BRAF: variants seen among roughly 807,000 people sequenced by gnomAD.
The protein encoded by BRAF is B-Raf proto-oncogene, serine/threonine kinase.
A neutral mutation model predicts 104.6 loss-of-function variants in BRAF; 16 were observed. That is an observed-to-expected ratio of 0.15 (90% confidence interval 0.10 to 0.23). BRAF has a LOEUF of 0.23. Ranked by LOEUF, BRAF falls within the 10% of genes least tolerant of loss-of-function variation. BRAF has a pLI of 1.00. For synonymous variants in BRAF, 310 were observed against 341.6 expected (o/e 0.91, Z 1.02); for missense variants, 541 against 937.3 (o/e 0.58, Z 5.52).
At chr7:140,801,246 A>G in intron 6 of BRAF, 166 bp downstream of exon 6, 3 of 679,584 alleles carry the variant, frequency 4.4e-6, no homozygotes, top group East Asian at 2.8e-5. Context: ...TGGGAGAGAA[A>G]TACTGTCCAT....
intron 1 of BRAF, among the ~76,000 whole-genome samples, chr7:140,889,767 C>A (rs17695995): frequency 0.057 from 8,714 of 152,164 alleles, 289 homozygotes; most frequent in Middle Eastern, 0.12. Context: ...AGTGAGGATG[C>A]CAAAAGGTAT....
rs1423835762 is a variant in BRAF at position 140,815,452 on chromosome 7, T to TC, written c.505-6458_505-6457insG. Among the ~76,000 whole-genome samples, 253 of 143,298 alleles carry TC rather than the reference T, an allele frequency of 1.8e-3. 1 individual carries two copies. The highest frequency in any genetic ancestry group is 3.0e-3 in the Non-Finnish European group (196 of 65,714). The allele number at this position is 143,298 out of a possible 152,430, so 94.0% of individuals were successfully genotyped here. On this transcript the variant is annotated intron_variant, in intron 3 of 19. Transcript: ENST00000644969. The stretch of plus-strand genomic sequence containing the variant: ...GAGCCATTTTTTTTTTTTTTTTTTT[T>TC]TGAGACAGGGTCTTGCTCTGCCACC...
downstream of BRAF, among the ~76,000 whole-genome samples, chr7:140,717,654 C>A (rs1795161314): frequency 6.6e-6 from 1 of 152,150 alleles, no homozygotes; most frequent in African/African-American, 2.4e-5. Context: ...TTCAGAAGAG[C>A]TAGTGTGGTA....
rs1303346953 is a variant in BRAF, at chr7:140,725,367, A to G, written c.*1127T>C. On this transcript the variant is annotated 3_prime_UTR_variant, in exon 20 of 20. Coordinates refer to ENST00000644969, the MANE Select transcript of BRAF (RefSeq NM_001374258.1). ...AGAAAAGGATAATGATCTTTCTTAA[A>G]AGTTGTTTATATAACAAAAATACAA... is the stretch of plus-strand genomic sequence containing the variant. 1 of 981,450 alleles carries G rather than the reference A, an allele frequency of 1.0e-6. No individual in the cohort carries two copies. The highest frequency in any genetic ancestry group is 6.0e-5 in the East Asian group (1 of 16,690). The allele number at this position is 981,450 out of a possible 1,614,324, so 60.8% of individuals were successfully genotyped here.
chr7:140,907,419 G>C (rs1202958557), intron 1 of BRAF, among the ~76,000 whole-genome samples: 4 of 151,934 alleles, frequency 2.6e-5, no homozygotes, highest in Admixed American at 2.6e-4. Context: ...CTGCCACCAT[G>C]CCCAGCTAAT....
chr7:140,893,438 A>G (rs1814503188), intron 1 of BRAF, among the ~76,000 whole-genome samples: 1 of 151,886 alleles, frequency 6.6e-6, no homozygotes, highest in African/African-American at 2.4e-5. Flanking sequence ...TTCAGTGGAG[A>G]CGGGGTTTCA....
chr7:140,919,556 G>C (rs923754487), intron 1 of BRAF, among the ~76,000 whole-genome samples: 1 of 152,008 alleles, frequency 6.6e-6, no homozygotes, highest in Non-Finnish European at 1.5e-5. Flanking sequence ...GGTGGAGACT[G>C]TATTAAAGAG....
intron 1 of BRAF, among the ~76,000 whole-genome samples, chr7:140,906,090 A>AAAAAAAAAAC (rs1816288368): frequency 6.9e-6 from 1 of 144,378 alleles, no homozygotes; most frequent in Non-Finnish European, 1.5e-5. Context: ...TCCGTCTCAA[A>AAAAAAAAAAC]AAAAAAAAAA....
chr7:140,829,243 G>A (rs1332814582), intron 3 of BRAF, among the ~76,000 whole-genome samples: 3 of 147,056 alleles, frequency 2.0e-5, no homozygotes, highest in Non-Finnish European at 4.5e-5. Context: ...TAATCCATCT[G>A]TCTCCTACAG....
chr7:140,808,806 G>A (rs951228465), intron 4 of BRAF, 86 bp downstream of exon 4: 2 of 1,106,428 alleles, frequency 1.8e-6, no homozygotes, highest in African/African-American at 3.1e-5. Flanking sequence ...AATTCCCTAG[G>A]TTTTGGTAAA....
In BRAF at chr7:140,726,402, A is replaced by G; in HGVS notation, c.*92T>C. The G allele has an allele frequency of 2.7e-6, 4 of 1,508,422 alleles. No homozygotes were observed. Among genetic ancestry groups the G allele is most frequent in the Non-Finnish European group, 3.5e-6 (4 of 1,136,786 alleles). 93.4% of individuals were successfully genotyped at this position (1,508,422 alleles called of 1,614,324 possible). A position where few individuals can be genotyped will look rare whatever the true frequency, so the allele number is the denominator to read the frequency against. ...CATTGGAAATTTTGTATCTTTAAAA[A>G]AAGATTTGAGGAACAGAACTGTGTT... On this transcript the variant is annotated 3_prime_UTR_variant, in exon 20 of 20. Coordinates refer to ENST00000644969, the MANE Select transcript of BRAF (RefSeq NM_001374258.1).
intron 3 of BRAF, chr7:140,824,147 A>G (rs1036730727): frequency 5.3e-5 from 8 of 152,176 alleles, no homozygotes; most frequent in African/African-American, 1.7e-4. Flanking sequence ...TTAAATTCTG[A>G]TAATAGTACA....
Position 140,924,647 on chromosome 7 carries a change from G to A in BRAF, c.57C>T (p.Phe19=). ...GGGAEPGQAL[F]NGDMEPEAGA... is the part of the protein sequence containing the mutation. ...CGGCCTCGGGCTCCATGTCCCCGTT[G>A]AACAGAGCCTGGCCCGGCTCCGCGC... Residue 19 remains phenylalanine, a synonymous_variant, in exon 1 of 20, where the codon TTC becomes TTT. Transcript: ENST00000644969. The surrounding 1 kb of genome is among the most constrained non-coding windows in gnomAD (Gnocchi z 4.2). The A allele has an allele frequency of 2.8e-6, 4 of 1,452,570 alleles. No individual in the cohort carries two copies. Among genetic ancestry groups the A allele is most frequent in the Non-Finnish European group, 3.7e-6 (4 of 1,075,528 alleles). 90.0% of individuals were successfully genotyped at this position (1,452,570 alleles called of 1,614,324 possible).
At chr7:140,922,013 G>A (rs552052128) in intron 1 of BRAF, among the ~76,000 whole-genome samples, 3 of 151,986 alleles carry the variant, frequency 2.0e-5, no homozygotes, top group Admixed American at 6.6e-5. Context: ...TTTCTTGGAG[G>A]AATTTATTTT....
Position 140,722,448 on chromosome 7 carries a change from G to A in BRAF, c.*4046C>T, listed in dbSNP as rs181243189. On this transcript the variant is annotated 3_prime_UTR_variant, in exon 20 of 20. Transcript: ENST00000644969. Reference sequence around the variant, plus strand: ...CATGAAGGCACAGTAAGATCATTTGGCAAATTGTCAAGGTATTTTTCTAGA... The same window carrying A: ...CATGAAGGCACAGTAAGATCATTTGACAAATTGTCAAGGTATTTTTCTAGA... 12 of 1,054,752 alleles carry A rather than the reference G, an allele frequency of 1.1e-5. No individual in the cohort carries two copies. The East Asian group carries it at 5.9e-4, about 52-fold the overall frequency. 65.3% of individuals were successfully genotyped at this position (1,054,752 alleles called of 1,614,324 possible).
chr7:140,792,306 A>G (rs1802063801), intron 8 of BRAF, among the ~76,000 whole-genome samples: 1 of 152,160 alleles, frequency 6.6e-6, no homozygotes, highest in Non-Finnish European at 1.5e-5. Context: ...AGATTTTTCT[A>G]AAATATAGAG....
intron 1 of BRAF, among the ~76,000 whole-genome samples, chr7:140,865,563 A>G: frequency 6.6e-6 from 1 of 152,226 alleles, no homozygotes; most frequent in East Asian, 1.9e-4. Context: ...AGCCAAAGGT[A>G]TTAGTAATTT....
Position 140,780,941 on chromosome 7 carries a change from AT to A in BRAF, c.1552+634del, listed in dbSNP as rs71173220. ...ACTGGCCACTTATATTTCTTTGTTAATTTTTTTTTTTTGAGACGGAGTCTCA... is the reference window on the plus strand; with the variant it reads ...ACTGGCCACTTATATTTCTTTGTTAATTTTTTTTTTTGAGACGGAGTCTCA... On this transcript the variant is annotated intron_variant, in intron 12 of 19. Transcript: ENST00000644969. 7.0e-3 allele frequency: 1,039 copies of A among 147,772 alleles called. 3 individuals are homozygous for A. Among genetic ancestry groups the A allele is most frequent in the Non-Finnish European group, 0.011 (748 of 66,572 alleles). 9.2% of individuals were successfully genotyped at this position (147,772 alleles called of 1,614,324 possible).
At chr7:140,912,258 C>T (rs540005430) in intron 1 of BRAF, among the ~76,000 whole-genome samples, 46 of 152,192 alleles carry the variant, frequency 3.0e-4, no homozygotes, top group African/African-American at 5.3e-4. Context: ...TCCTCATTCT[C>T]GGCTGATAAC....
Sources: gnomAD v4.1 joint callset for allele counts (sites outside exome capture counted in the v4.1 genomes callset) on GRCh38, gnomAD v4.1.1 for gene constraint, Gnocchi (gnomAD v3.1) non-coding constraint, MANE v1.5 for transcripts, NCBI Gene and HGNC (gene_info 2026-07-23, HGNC 2026-07-21) for gene names.